Variants in RBFOX1 observed in about 807,000 individuals in gnomAD.
RBFOX1 encodes RNA binding protein fox-1 homolog 1.
A neutral mutation model predicts 57.7 loss-of-function variants in RBFOX1; 8 were observed. That is an observed-to-expected ratio of 0.14 (90% CI 0.08 to 0.25). The LOEUF (loss-of-function observed/expected upper bound fraction) is 0.25, where lower values mean the gene tolerates loss of function less well. RBFOX1 is among the 10% of genes least tolerant of loss of function. The pLI is 1.00. For missense variants in RBFOX1, 611 were observed against 548.5 expected (o/e 1.11, Z -1.14); for synonymous variants, 326 against 222.4 (o/e 1.47, Z -4.15).
chr16:6,281,221 G>C (rs1355231920), intron 1 of RBFOX1, among the ~76,000 whole-genome samples: 1 of 151,944 alleles, frequency 6.6e-6, no homozygotes, highest in African/African-American at 2.4e-5. Flanking sequence ...CTCCATGCCC[G>C]GTGCTAGGAC....
At chr16:6,852,274 C>T (rs994816881) in intron 3 of RBFOX1, among the ~76,000 whole-genome samples, 1 of 152,120 alleles carries the variant, frequency 6.6e-6, no homozygotes, top group Non-Finnish European at 1.5e-5. Context: ...TTCTTGCTGT[C>T]TTCCGTTCTG....
At chr16:6,170,696 T>G (rs1291658718) in intron 1 of RBFOX1, among the ~76,000 whole-genome samples, 1 of 152,256 alleles carries the variant, frequency 6.6e-6, no homozygotes, top group East Asian at 1.9e-4. Context: ...ATCACCCAAG[T>G]ACTAAGCTTA....
chr16:7,140,873 G>A (rs1312582968), intron 4 of RBFOX1, among the ~76,000 whole-genome samples: 7 of 152,194 alleles, frequency 4.6e-5, no homozygotes, highest in Non-Finnish European at 1.0e-4. Context: ...AAGCTCTTTT[G>A]TGAAATGCTT....
intron 3 of RBFOX1, among the ~76,000 whole-genome samples, chr16:6,930,979 G>A (rs911439350): frequency 3.3e-5 from 5 of 151,552 alleles, no homozygotes; most frequent in African/African-American, 1.2e-4. Flanking sequence ...ACATACATAT[G>A]TACTTATTTC....
chr16:7,581,925 C>T (rs2093796798), intron 6 of RBFOX1, among the ~76,000 whole-genome samples: 1 of 151,898 alleles, frequency 6.6e-6, no homozygotes, highest in African/African-American at 2.4e-5. Flanking sequence ...ATTTGTTGTC[C>T]AGGCTGCTCA....
At chr16:6,834,439 G>T (rs953817809) in intron 3 of RBFOX1, among the ~76,000 whole-genome samples, 34 of 152,140 alleles carry the variant, frequency 2.2e-4, no homozygotes, top group African/African-American at 7.2e-4. Context: ...GTTTGGGAGG[G>T]GAAGCGTCAA....
At chr16:7,232,538 C>G (rs113802918) in intron 4 of RBFOX1, among the ~76,000 whole-genome samples, 14,343 of 152,120 alleles carry the variant, frequency 0.094, 814 homozygotes, top group Middle Eastern at 0.13. Flanking sequence ...TAATGGTGTT[C>G]TTTTAAAGAA....
At chr16:6,437,394 G>A (rs150333135) in intron 2 of RBFOX1, among the ~76,000 whole-genome samples, 188 of 152,236 alleles carry the variant, frequency 1.2e-3, no homozygotes, top group African/African-American at 4.1e-3. Flanking sequence ...AAACCAATTT[G>A]GATCTTTTAT....
At chr16:6,980,254 T>A (rs2088363273) in intron 3 of RBFOX1, among the ~76,000 whole-genome samples, 1 of 152,206 alleles carries the variant, frequency 6.6e-6, no homozygotes, top group Non-Finnish European at 1.5e-5. Context: ...CCTATACAAA[T>A]GTGCTGTGTC....
intron 4 of RBFOX1, among the ~76,000 whole-genome samples, chr16:7,303,724 C>T (rs1000691664): frequency 6.6e-6 from 1 of 151,980 alleles, no homozygotes; most frequent in African/African-American, 2.4e-5. Context: ...CTCTCTTCCT[C>T]TCTTTCAATC....
intron 2 of RBFOX1, among the ~76,000 whole-genome samples, chr16:5,597,921 T>C (rs1414799853): frequency 2.6e-5 from 4 of 152,236 alleles, no homozygotes; most frequent in Non-Finnish European, 4.4e-5. Context: ...GCCTCTCTTT[T>C]GCTTCTTCAC....
chr16:5,835,735 T>C (rs2056435901), intron 3 of RBFOX1, among the ~76,000 whole-genome samples: 2 of 152,262 alleles, frequency 1.3e-5, no homozygotes, highest in African/African-American at 4.8e-5. Context: ...TCATCCGTTT[T>C]AGTTCTTGAT....
At chr16:6,541,645 G>A (rs773801758) in intron 2 of RBFOX1, among the ~76,000 whole-genome samples, 7 of 152,168 alleles carry the variant, frequency 4.6e-5, no homozygotes, top group Middle Eastern at 3.2e-3. Context: ...GTGACACCTA[G>A]GTGGAAATTT....
intron 2 of RBFOX1, among the ~76,000 whole-genome samples, chr16:6,364,258 A>G (rs2089168429): frequency 6.6e-6 from 1 of 152,212 alleles, no homozygotes; most frequent in Non-Finnish European, 1.5e-5. Context: ...AAAGCCCTTT[A>G]CCTGATTAAA....
intron 2 of RBFOX1, among the ~76,000 whole-genome samples, chr16:6,337,521 A>G (rs1179682310): frequency 6.6e-6 from 1 of 152,184 alleles, no homozygotes; most frequent in South Asian, 2.1e-4. Context: ...TAATGGGGGG[A>G]AATGATTGAT....
At chr16:6,526,829 C>CAAAAAAAAAAAAAAA (rs541468859) in intron 2 of RBFOX1, among the ~76,000 whole-genome samples, 9 of 32,892 alleles carry the variant, frequency 2.7e-4, no homozygotes, top group African/African-American at 7.6e-4. Context: ...GACTCTGTCT[C>CAAAAAAAAAAAAAAA]AAAAAAAAAA....
intron 4 of RBFOX1, among the ~76,000 whole-genome samples, chr16:7,283,701 C>G (rs1337981621): frequency 1.3e-5 from 2 of 152,108 alleles, no homozygotes; most frequent in Non-Finnish European, 2.9e-5. Flanking sequence ...TTCTTAGGGT[C>G]ACCCAGAGCT....
At chr16:6,450,839 GTATA>G (rs1202016714) in intron 2 of RBFOX1, among the ~76,000 whole-genome samples, 174 of 13,574 alleles carry the variant, frequency 0.013, 9 homozygotes, top group South Asian at 0.017. Flanking sequence ...ATATATATGT[GTATA>G]TATATATATA....
chr16:5,278,532 A>C (rs1246397518), intron 1 of RBFOX1, among the ~76,000 whole-genome samples: 1 of 152,098 alleles, frequency 6.6e-6, no homozygotes, highest in African/African-American at 2.4e-5. Context: ...GTTAATTTTT[A>C]TATATGCTGT....
Sources: allele counts gnomAD v4.1 joint callset (sites outside exome capture counted in the v4.1 genomes callset), GRCh38; gene constraint gnomAD v4.1.1; transcripts MANE v1.5; gene names NCBI Gene and HGNC (gene_info 2026-07-23, HGNC 2026-07-21).